The following LIN28B variants were observed in gnomAD, a reference collection of about 807,000 sequenced individuals.
LIN28B encodes the protein protein lin-28 homolog B.
LIN28B carries 5 observed loss-of-function variants against 21.9 expected under a neutral mutation model. That is an observed-to-expected ratio of 0.23 (90% CI 0.12 to 0.48). The LOEUF is 0.48. LIN28B is among the 20% of genes least tolerant of loss of function. The pLI is 0.98. For synonymous variants in LIN28B, 109 were observed against 111.3 expected (o/e 0.98, Z 0.13); for missense variants, 245 against 310.5 (o/e 0.79, Z 1.58).
At chr6:105,072,207 G>T (rs994925234) in intron 3 of LIN28B, among the ~76,000 whole-genome samples, 1 of 151,978 alleles carries the variant, frequency 6.6e-6, no homozygotes, top group Admixed American at 6.5e-5. Context: ...TAATCAAAAT[G>T]GAAGTGAAAT....
chr6:105,051,081 A>G (rs1582919967), intron 3 of LIN28B, among the ~76,000 whole-genome samples: 1 of 151,424 alleles, frequency 6.6e-6, no homozygotes, highest in Admixed American at 6.6e-5. Context: ...AATGGTATAT[A>G]GGATTCATGT....
intron 2 of LIN28B, among the ~76,000 whole-genome samples, chr6:104,972,352 G>C (rs1769999161): frequency 6.6e-6 from 1 of 151,692 alleles, no homozygotes; most frequent in Non-Finnish European, 1.5e-5. Flanking sequence ...TGTGACCCAG[G>C]CTTTAAAAAA....
chr6:104,992,485 TG>T (rs1470660155), intron 2 of LIN28B, among the ~76,000 whole-genome samples: 11 of 25,482 alleles, frequency 4.3e-4, no homozygotes, highest in Admixed American at 3.2e-3. Flanking sequence ...AAGTTTCTGT[TG>T]TGTGTGTGTG....
intron 2 of LIN28B, among the ~76,000 whole-genome samples, chr6:104,947,251 A>G (rs1331561172): frequency 1.3e-5 from 2 of 152,040 alleles, no homozygotes; most frequent in Non-Finnish European, 2.9e-5. Flanking sequence ...CAGCCTCCTC[A>G]GTAGCTAGGA....
At chr6:104,977,837 A>AT (rs1200548157) in intron 2 of LIN28B, among the ~76,000 whole-genome samples, 1 of 152,016 alleles carries the variant, frequency 6.6e-6, no homozygotes, top group Non-Finnish European at 1.5e-5. Context: ...AAATGCTAGG[A>AT]TTACAGGCGT....
rs199733978 is a variant in LIN28B, at chr6:105,048,500, A to G, written c.383+22018A>G. 8.5e-5 allele frequency among the ~76,000 whole-genome samples: 13 copies of G among 152,260 alleles called. No individual in the cohort carries two copies. The East Asian group carries it at 2.3e-3, about 27-fold the overall frequency. On this transcript the variant is annotated intron_variant, in intron 3 of 3. Transcript: ENST00000345080. ...ATTCTCTTTTTGTTGTGTCTCTGTC[A>G]GGCTTTGGTATCAGGATGATGCCGG...
chr6:104,959,451 A>C (rs981211377), intron 2 of LIN28B, among the ~76,000 whole-genome samples: 2 of 152,200 alleles, frequency 1.3e-5, no homozygotes, highest in Non-Finnish European at 2.9e-5. Context: ...ATCATCTTCA[A>C]ATTAAATATA....
intron 3 of LIN28B, among the ~76,000 whole-genome samples, chr6:105,046,144 C>T (rs1771755436): frequency 6.6e-6 from 1 of 152,134 alleles, no homozygotes. Context: ...TTAGGTATAT[C>T]TCCTAATGCT....
intron 2 of LIN28B, among the ~76,000 whole-genome samples, chr6:104,945,928 A>G (rs1778150888): frequency 6.6e-6 from 1 of 152,004 alleles, no homozygotes; most frequent in Non-Finnish European, 1.5e-5. Context: ...ACAGTATTTG[A>G]AGAGAATGAT....
At chr6:104,990,987 G>A (rs1770454016) in intron 2 of LIN28B, among the ~76,000 whole-genome samples, 1 of 152,212 alleles carries the variant, frequency 6.6e-6, no homozygotes, top group Non-Finnish European at 1.5e-5. Flanking sequence ...GCAACAATCT[G>A]ATTTCTCTAT....
chr6:105,065,865 TGTA>T (rs1458926661), intron 3 of LIN28B, among the ~76,000 whole-genome samples: 1 of 152,180 alleles, frequency 6.6e-6, no homozygotes, highest in African/African-American at 2.4e-5. Flanking sequence ...AATTCAATAA[TGTA>T]ATAATAATGC....
At chr6:105,032,027 C>T (rs1457760514) in intron 3 of LIN28B, among the ~76,000 whole-genome samples, 1 of 152,150 alleles carries the variant, frequency 6.6e-6, no homozygotes, top group Non-Finnish European at 1.5e-5. Context: ...TGGAATCATA[C>T]AGTGTGTAAC....
chr6:105,074,420 G>T (rs764160810), intron 3 of LIN28B, among the ~76,000 whole-genome samples: 1 of 152,070 alleles, frequency 6.6e-6, no homozygotes, highest in South Asian at 2.1e-4. Flanking sequence ...AGATGGTCTC[G>T]ATCTCCTGAC....
At chr6:104,991,609 G>T (rs181126740) in intron 2 of LIN28B, among the ~76,000 whole-genome samples, 1 of 152,056 alleles carries the variant, frequency 6.6e-6, no homozygotes, top group Non-Finnish European at 1.5e-5. Context: ...CCCAGATGGG[G>T]TGGTGGCCGG....
chr6:104,987,811 C>A (rs146486544), intron 2 of LIN28B, among the ~76,000 whole-genome samples: 8 of 152,240 alleles, frequency 5.3e-5, no homozygotes, highest in Non-Finnish European at 8.8e-5. Context: ...ATGGTGCGAT[C>A]TTGGCTCACT....
At chr6:105,039,847 T>C (rs1298869172) in intron 3 of LIN28B, among the ~76,000 whole-genome samples, 1 of 152,162 alleles carries the variant, frequency 6.6e-6, no homozygotes, top group Non-Finnish European at 1.5e-5. Context: ...TGTAAAGATT[T>C]AGGGGAAAGT....
chr6:105,038,388 A>G (rs1423547393), intron 3 of LIN28B, among the ~76,000 whole-genome samples: 2 of 152,128 alleles, frequency 1.3e-5, no homozygotes, highest in African/African-American at 4.8e-5. Context: ...GCCTGTGGAA[A>G]CTGCTGCCTC....
chr6:105,063,456 T>TA (rs924809387), intron 3 of LIN28B, among the ~76,000 whole-genome samples: 2 of 151,998 alleles, frequency 1.3e-5, no homozygotes, highest in Non-Finnish European at 2.9e-5. Context: ...GCCAACATGG[T>TA]AAAAACCCAT....
rs1010409878 is a variant in LIN28B at position 105,079,960 on chromosome 6, C to T, written c.*1177C>T. Reference sequence around the variant, plus strand: ...TACGAAAAAGTGCAGCATTTAGTGGCAGTTAACAAGAGTGACAAGCCTGGG... The same window carrying T: ...TACGAAAAAGTGCAGCATTTAGTGGTAGTTAACAAGAGTGACAAGCCTGGG... On this transcript the variant is annotated 3_prime_UTR_variant, in exon 4 of 4. Coordinates refer to ENST00000345080, the MANE Select transcript of LIN28B (RefSeq NM_001004317.4). 1 of 152,140 alleles carries T rather than the reference C, an allele frequency of 6.6e-6. No homozygotes were observed. The highest frequency in any genetic ancestry group is 2.4e-5 in the African/African-American group (1 of 41,436). The allele number at this position is 152,140 out of a possible 1,614,324, so 9.4% of individuals were successfully genotyped here. A position where few individuals can be genotyped will look rare whatever the true frequency, so the allele number is the denominator to read the frequency against.
Sources: gnomAD v4.1 joint callset for allele counts (sites outside exome capture counted in the v4.1 genomes callset) on GRCh38, gnomAD v4.1.1 for gene constraint, MANE v1.5 for transcripts, NCBI Gene and HGNC (gene_info 2026-07-23, HGNC 2026-07-21) for gene names.